EIF5A2: variants seen among roughly 807,000 people sequenced by gnomAD.
EIF5A2 encodes eukaryotic translation initiation factor 5A2.
Under a neutral mutation model 16.4 loss-of-function variants are expected in EIF5A2, and 15 were observed. The ratio of observed to expected loss-of-function variants is 0.92; its 90% confidence interval spans 0.61 to 1.41. The LOEUF is 1.41. EIF5A2 is among the 40% of genes most tolerant of loss of function. The pLI is 0.00. For missense variants in EIF5A2, 144 were observed against 189.5 expected (o/e 0.76, Z 1.41); for synonymous variants, 48 against 61.1 (o/e 0.79, Z 1.00).
intron 4 of EIF5A2, 50 bp from the exon 5 acceptor site, chr3:170,893,469 G>T (rs746286765): frequency 6.3e-7 from 1 of 1,586,592 alleles, no homozygotes; most frequent in Non-Finnish European, 8.6e-7. Context: ...AATACATATA[G>T]AAGATATAAT....
intron 3 of EIF5A2, among the ~76,000 whole-genome samples, chr3:170,894,657 T>C (rs1318582961): frequency 6.6e-6 from 1 of 152,004 alleles, no homozygotes; most frequent in East Asian, 1.9e-4. Context: ...TTAAACAGTT[T>C]AGGTTTCTTT....
intron 3 of EIF5A2, among the ~76,000 whole-genome samples, chr3:170,895,080 T>C (rs1712637404): frequency 6.6e-6 from 1 of 151,808 alleles, no homozygotes; most frequent in Non-Finnish European, 1.5e-5. Context: ...GTGAGCTGTT[T>C]TGACTTAATA....
intron 3 of EIF5A2, among the ~76,000 whole-genome samples, chr3:170,895,051 A>C (rs1441347935): frequency 6.7e-6 from 1 of 148,776 alleles, no homozygotes; most frequent in Non-Finnish European, 1.5e-5. Flanking sequence ...AAAAAAAGAG[A>C]TATTATAAGT....
At chr3:170,894,526 C>A in intron 3 of EIF5A2, 103 bp from the exon 4 acceptor site, 1 of 878,786 alleles carries the variant, frequency 1.1e-6, no homozygotes, top group Non-Finnish European at 1.7e-6. Flanking sequence ...TATAAGTATA[C>A]AGTAATATAT....
In EIF5A2 at chr3:170,888,502, GT is replaced by G. The variant is rs1457841755; in HGVS notation, c.*4857del. 1 of 152,256 alleles carries G rather than the reference GT, an allele frequency of 6.6e-6. No individual in the cohort carries two copies. The highest frequency in any genetic ancestry group is 6.6e-5 in the Admixed American group (1 of 15,260). 9.4% of individuals were successfully genotyped at this position (152,256 alleles called of 1,614,324 possible). ...TTAATAATATCACAAAGTTATAATTGTTAAGGTATTATCTATATTTAAAGGT... is the reference window on the plus strand; with the variant it reads ...TTAATAATATCACAAAGTTATAATTGTAAGGTATTATCTATATTTAAAGGT... On this transcript the variant is annotated 3_prime_UTR_variant, in exon 5 of 5. Transcript: ENST00000295822.
rs767066779 is a variant in EIF5A2, at chr3:170,894,289, T to A, written c.402+3A>T. On this transcript the variant is annotated splice_donor_region_variant and intron_variant, in intron 4 of 4. Transcript: ENST00000295822. ...CAAAAATAATCCTTCTCTAAGTCTT[T>A]ACCTGTACATCTTCACCTGCATTGT... 1 of 1,613,050 alleles carries A rather than the reference T, an allele frequency of 6.2e-7. No homozygotes were observed.
At chr3:170,902,781 G>A (rs1712849048) in intron 3 of EIF5A2, among the ~76,000 whole-genome samples, 1 of 151,768 alleles carries the variant, frequency 6.6e-6, no homozygotes, top group South Asian at 2.1e-4. Context: ...ACTAATTTAT[G>A]TATTTATTAG....
Position 170,893,034 on chromosome 3 carries a change from G to C in EIF5A2, c.*326C>G, listed in dbSNP as rs1576785598. The C allele has an allele frequency of 1.4e-5, 6 of 421,270 alleles. No individual in the cohort carries two copies. In the East Asian group the frequency reaches 2.1e-4, roughly 15 times the overall value. 26.1% of individuals were successfully genotyped at this position (421,270 alleles called of 1,614,324 possible). ...GCTACATTGTTTGATTTAAAACCCT[G>C]GTTTATCATCTAACTAAAACACAGG... On this transcript the variant is annotated 3_prime_UTR_variant, in exon 5 of 5. Coordinates refer to ENST00000295822, the MANE Select transcript of EIF5A2 (RefSeq NM_020390.6).
chr3:170,897,151 T>C (rs918746240), intron 3 of EIF5A2, among the ~76,000 whole-genome samples: 11 of 152,300 alleles, frequency 7.2e-5, no homozygotes, highest in East Asian at 1.9e-4. Flanking sequence ...TATGCATTCA[T>C]GAAGAGATGA....
chr3:170,903,528 T>A (rs1427786909), intron 3 of EIF5A2, among the ~76,000 whole-genome samples: 1 of 152,234 alleles, frequency 6.6e-6, no homozygotes, highest in African/African-American at 2.4e-5. Context: ...GCTCTTCTCA[T>A]GATTACCCTT....
At chr3:170,906,101 A>C (rs1358060877) in intron 3 of EIF5A2, among the ~76,000 whole-genome samples, 1 of 152,232 alleles carries the variant, frequency 6.6e-6, no homozygotes, top group African/African-American at 2.4e-5. Context: ...TATACAATAC[A>C]ACAAAGGGTA....
intron 3 of EIF5A2, among the ~76,000 whole-genome samples, chr3:170,898,701 GAATT>G (rs1013687453): frequency 4.6e-5 from 7 of 151,926 alleles, no homozygotes; most frequent in Non-Finnish European, 2.9e-5. Context: ...CTTTTAAATT[GAATT>G]ATTTATTAAA....
chr3:170,903,034 CAGA>C (rs371803847), intron 3 of EIF5A2, among the ~76,000 whole-genome samples: 3 of 152,102 alleles, frequency 2.0e-5, no homozygotes, highest in South Asian at 2.1e-4. Flanking sequence ...CTTGATATGG[CAGA>C]AGAAGAACAC....
chr3:170,908,367 G>C (rs555782434), intron 1 of EIF5A2, among the ~76,000 whole-genome samples, 176 bp downstream of exon 1: 1 of 152,144 alleles, frequency 6.6e-6, no homozygotes, highest in Non-Finnish European at 1.5e-5. Flanking sequence ...AGCTCGGCCC[G>C]GCCCGGCCCC....
chr3:170,894,936 G>A, intron 3 of EIF5A2, among the ~76,000 whole-genome samples: 1 of 146,106 alleles, frequency 6.8e-6, no homozygotes, highest in Admixed American at 7.1e-5. Flanking sequence ...TGAGGCAGGA[G>A]AATGGCGTGA....
chr3:170,899,996 G>C (rs1251219938), intron 3 of EIF5A2, among the ~76,000 whole-genome samples: 1 of 151,618 alleles, frequency 6.6e-6, no homozygotes, highest in Non-Finnish European at 1.5e-5. Context: ...AGAGGTGAGG[G>C]TCAAAAAACT....
chr3:170,904,386 G>A (rs1712882331), intron 3 of EIF5A2, among the ~76,000 whole-genome samples: 1 of 152,106 alleles, frequency 6.6e-6, no homozygotes, highest in South Asian at 2.1e-4. Context: ...ATTGAATTCA[G>A]CAAACATAAA....
rs1020383967 is a variant in EIF5A2 at position 170,908,611 on chromosome 3, AGCGGCGGTGGCGGCC to A, written c.-119_-105del. On this transcript the variant is annotated 5_prime_UTR_variant, in exon 1 of 5. Transcript: ENST00000295822. ...GGTCCCCTACAGCAGCGGCGCCGGC[AGCGGCGGTGGCGGCC>A]GCGGCAGTTCCAAGAGACGGGGCGG... 3 of 152,880 alleles carry A rather than the reference AGCGGCGGTGGCGGCC, an allele frequency of 2.0e-5. No homozygotes were observed. The highest frequency in any genetic ancestry group is 7.2e-5 in the African/African-American group (3 of 41,490). 9.5% of individuals were successfully genotyped at this position (152,880 alleles called of 1,614,324 possible).
chr3:170,894,544 C>G (rs562689595), intron 3 of EIF5A2, 121 bp from the exon 4 acceptor site: 22 of 733,674 alleles, frequency 3.0e-5, no homozygotes, highest in Admixed American at 6.6e-5. Context: ...TATTAATATT[C>G]TTGGTATTTA....
Sources: gnomAD v4.1 joint callset for allele counts (sites outside exome capture counted in the v4.1 genomes callset) on GRCh38, gnomAD v4.1.1 for gene constraint, MANE v1.5 for transcripts, NCBI Gene and HGNC (gene_info 2026-07-23, HGNC 2026-07-21) for gene names.